The following FAM193A variants were observed in gnomAD, a reference collection of about 807,000 sequenced individuals.
The protein encoded by FAM193A is protein FAM193A.
A neutral mutation model predicts 126.5 loss-of-function variants in FAM193A; 22 were observed. That is an observed-to-expected ratio of 0.17 (90% CI 0.12 to 0.25). The LOEUF (loss-of-function observed/expected upper bound fraction) is 0.25. Among genes scored for constraint, FAM193A ranks in the 10% least tolerant of loss-of-function variants. The pLI is 1.00. For synonymous variants in FAM193A, 761 were observed against 646.8 expected, an observed-to-expected ratio of 1.18 and a Z score of -2.68; for missense variants, 1,675 against 1,672.8, an observed-to-expected ratio of 1.00 and a Z score of -0.02.
chr4:2,643,607 G>A (rs1744851914), intron 6 of FAM193A, among the ~76,000 whole-genome samples: 1 of 152,108 alleles, frequency 6.6e-6, no homozygotes, highest in South Asian at 2.1e-4. Context: ...TTGAAAGTCT[G>A]TAATGGGCAG....
intron 13 of FAM193A, among the ~76,000 whole-genome samples, chr4:2,673,976 G>A (rs576250773): frequency 2.0e-5 from 3 of 152,248 alleles, no homozygotes; most frequent in South Asian, 4.1e-4. Context: ...CTTGATACCT[G>A]TTAAACTTTA....
rs760517975 is a variant in FAM193A at position 2,657,524 on chromosome 4, A to T, written c.1312-279A>T. On this transcript the variant is annotated intron_variant, in intron 7 of 20. Transcript: ENST00000637812. ...GGCATTCAGTAAATAGTGAATGTTC[A>T]TCCACTGTATTGACAGATTTAGTCA... 9.5e-4 allele frequency among the ~76,000 whole-genome samples: 144 copies of T among 152,206 alleles called. 2 individuals are homozygous for T. The highest frequency in any genetic ancestry group is 2.0e-4 in the Admixed American group (3 of 15,280).
At chr4:2,646,411 A>T (rs1745149003) in intron 6 of FAM193A, among the ~76,000 whole-genome samples, 1 of 151,846 alleles carries the variant, frequency 6.6e-6, no homozygotes, top group South Asian at 2.1e-4. Flanking sequence ...ACCTCAGGTG[A>T]TCCACCCACC....
At position 2,659,543 on chromosome 4, in the gene FAM193A, T is replaced by C; in HGVS notation, c.1390-15T>C. 1.3e-6 allele frequency: 2 copies of C among 1,579,858 alleles called. No homozygotes were observed. Among genetic ancestry groups the C allele is most frequent in the South Asian group, 1.1e-5 (1 of 90,332 alleles). On this transcript the variant is annotated splice_polypyrimidine_tract_variant and intron_variant, in intron 8 of 20. Coordinates refer to ENST00000637812, the MANE Select transcript of FAM193A (RefSeq NM_001366318.2). ...AGGGTCTTGCAAGATTAAAGCATTT[T>C]AAAATTTCCTCTAGTTAACCAATAA... is the stretch of plus-strand genomic sequence containing the variant.
chr4:2,556,548 A>G (rs572861127), intron 1 of FAM193A, among the ~76,000 whole-genome samples: 1 of 152,280 alleles, frequency 6.6e-6, no homozygotes, highest in South Asian at 2.1e-4. Context: ...CAGGTGTGGT[A>G]GTGTGCACCC....
intron 1 of FAM193A, among the ~76,000 whole-genome samples, chr4:2,550,771 TTTTATTTATTTATTTATTTATTTA>T (rs71178475): frequency 2.4e-4 from 34 of 140,164 alleles, no homozygotes; most frequent in Admixed American, 3.7e-4. Flanking sequence ...CAATTTATAT[TTTTATTTATTTATTTATTTATTTA>T]TTTATTTATT....
At chr4:2,568,678 C>T (rs1014772844) in intron 1 of FAM193A, among the ~76,000 whole-genome samples, 1 of 151,996 alleles carries the variant, frequency 6.6e-6, no homozygotes, top group African/African-American at 2.4e-5. Context: ...GTGTAGTGAC[C>T]AAAGTATAAA....
intron 2 of FAM193A, among the ~76,000 whole-genome samples, chr4:2,600,969 A>G (rs925971417): frequency 7.2e-5 from 11 of 152,164 alleles, no homozygotes. Flanking sequence ...GAAATTGTCA[A>G]AGTTGCCCAC....
intron 4 of FAM193A, among the ~76,000 whole-genome samples, chr4:2,627,687 C>T (rs1233332992): frequency 1.4e-5 from 2 of 147,360 alleles, no homozygotes; most frequent in African/African-American, 5.1e-5. Flanking sequence ...AAGTGATTCT[C>T]CTGCCTCAGC....
At chr4:2,588,026 G>A (rs1740330727) in intron 1 of FAM193A, among the ~76,000 whole-genome samples, 1 of 152,186 alleles carries the variant, frequency 6.6e-6, no homozygotes, top group Non-Finnish European at 1.5e-5. Flanking sequence ...GCGGATGTGT[G>A]GGAGCTGTGA....
At chr4:2,685,489 A>G (rs1715632748) in intron 13 of FAM193A, among the ~76,000 whole-genome samples, 1 of 152,256 alleles carries the variant, frequency 6.6e-6, no homozygotes, top group Non-Finnish European at 1.5e-5. Flanking sequence ...ATGTTCTTTT[A>G]GAGCTGAGAT....
intron 2 of FAM193A, among the ~76,000 whole-genome samples, chr4:2,605,235 G>T (rs1238059056): frequency 6.6e-6 from 1 of 152,044 alleles, no homozygotes; most frequent in Non-Finnish European, 1.5e-5. Flanking sequence ...ATCCCTTCTT[G>T]AACCCCTTCT....
chr4:2,541,948 T>C (rs1737260737), intron 1 of FAM193A, among the ~76,000 whole-genome samples: 1 of 151,848 alleles, frequency 6.6e-6, no homozygotes, highest in Non-Finnish European at 1.5e-5. Flanking sequence ...CCTCCTGAGT[T>C]CAAGTGATTC....
chr4:2,697,793 G>C (rs1717201561), intron 18 of FAM193A, among the ~76,000 whole-genome samples: 1 of 152,234 alleles, frequency 6.6e-6, no homozygotes, highest in Non-Finnish European at 1.5e-5. Flanking sequence ...GAAGACTAGA[G>C]ACTGCTGGAG....
chr4:2,719,520 C>T (rs1325521277), intron 20 of FAM193A, among the ~76,000 whole-genome samples: 1 of 152,036 alleles, frequency 6.6e-6, no homozygotes, highest in Non-Finnish European at 1.5e-5. Flanking sequence ...CCCAGGCGGG[C>T]GGATCACCTG....
chr4:2,612,292 G>A (rs1342929741), intron 2 of FAM193A, among the ~76,000 whole-genome samples: 1 of 151,630 alleles, frequency 6.6e-6, no homozygotes, highest in African/African-American at 2.4e-5. Context: ...ACGAGGTCAG[G>A]AATTTGAGAC....
intron 1 of FAM193A, among the ~76,000 whole-genome samples, chr4:2,544,014 C>T (rs532471923): frequency 2.0e-5 from 3 of 151,944 alleles, no homozygotes; most frequent in Admixed American, 2.0e-4. Context: ...TAGAAGCCTT[C>T]CCTGTATTGT....
At chr4:2,714,758 A>G (rs771363088) in intron 19 of FAM193A, among the ~76,000 whole-genome samples, 8 of 152,238 alleles carry the variant, frequency 5.3e-5, no homozygotes, top group Non-Finnish European at 8.8e-5. Flanking sequence ...AGTGGTAGAA[A>G]GAAATGGAGT....
intron 13 of FAM193A, among the ~76,000 whole-genome samples, chr4:2,687,255 A>G (rs1403884906): frequency 6.6e-6 from 1 of 152,170 alleles, no homozygotes; most frequent in Non-Finnish European, 1.5e-5. Flanking sequence ...TGTCTATATA[A>G]GTAGTCTCTA....
Sources: allele counts gnomAD v4.1 joint callset (sites outside exome capture counted in the v4.1 genomes callset), GRCh38; gene constraint gnomAD v4.1.1; transcripts MANE v1.5; gene names NCBI Gene and HGNC (gene_info 2026-07-23, HGNC 2026-07-21).